Variants in DNAAF19 observed in about 807,000 individuals in gnomAD.
The protein encoded by DNAAF19 is dynein axonemal assembly factor 19.
At chr17:44,903,944 G>A in the DNAAF19 span, 9 of 1,550,598 alleles carry the variant, frequency 5.8e-6, no homozygotes, top group Non-Finnish European at 2.6e-6. Context: ...CCTGATGTTT[G>A]AAAATGCAGC....
chr17:44,905,263 G>A, the DNAAF19 span: 8 of 594,096 alleles, frequency 1.3e-5, no homozygotes, highest in Non-Finnish European at 2.4e-5. Context: ...GAGGCTGGTG[G>A]GAGATTGGGG....
chr17:44,902,267 G>A, the DNAAF19 span: 2 of 1,494,202 alleles, frequency 1.3e-6, no homozygotes, highest in Non-Finnish European at 9.3e-7. Context: ...GTAGTGAGAT[G>A]AAGACAGTAA....
chr17:44,901,186 T>C, the DNAAF19 span: 432,020 of 1,585,790 alleles, frequency 0.27, 59,142 homozygotes, highest in South Asian at 0.28. Context: ...TTATGGTGGA[T>C]TATAGTAGTT....
chr17:44,901,183 G>A, the DNAAF19 span: 1 of 1,590,626 alleles, frequency 6.3e-7, no homozygotes, highest in Non-Finnish European at 8.5e-7. Context: ...CTGTTATGGT[G>A]GATTATAGTA....
At chr17:44,902,566 C>T in the DNAAF19 span, 17 of 1,614,192 alleles carry the variant, frequency 1.1e-5, no homozygotes, top group East Asian at 4.5e-5. Flanking sequence ...GCCGGCTGAC[C>T]GGGCAGCGGT....
the DNAAF19 span, chr17:44,904,730 G>A: frequency 6.4e-7 from 1 of 1,550,554 alleles, no homozygotes; most frequent in Non-Finnish European, 8.7e-7. Flanking sequence ...AGTGGCCTGG[G>A]ACAAAGACCG....
chr17:44,904,231 C>T, the DNAAF19 span: 12 of 1,550,572 alleles, frequency 7.7e-6, no homozygotes, highest in Admixed American at 5.9e-5. Flanking sequence ...ACTACTTTTA[C>T]GCCTACGATG....
At chr17:44,901,193 AGTT>A in the DNAAF19 span, 1 of 1,576,382 alleles carries the variant, frequency 6.3e-7, no homozygotes, top group Non-Finnish European at 8.6e-7. Flanking sequence ...GGATTATAGT[AGTT>A]AACTCTGAAA....
the DNAAF19 span, chr17:44,904,863 G>T: frequency 3.2e-6 from 5 of 1,550,654 alleles, no homozygotes; most frequent in Non-Finnish European, 4.4e-6. Context: ...ATCTACTATT[G>T]CTGGAGGCAG....
the DNAAF19 span, chr17:44,903,994 CA>C: frequency 1.3e-6 from 2 of 1,550,644 alleles, no homozygotes; most frequent in Non-Finnish European, 1.7e-6. Context: ...CCTGTCACTG[CA>C]AACCCGAAGA....
the DNAAF19 span, chr17:44,903,239 C>A: frequency 8.0e-7 from 1 of 1,253,468 alleles, no homozygotes; most frequent in Non-Finnish European, 1.0e-6. Context: ...TAGCCCCAAA[C>A]CAATGAATGG....
the DNAAF19 span, chr17:44,901,121 G>A: frequency 6.2e-7 from 1 of 1,608,974 alleles, no homozygotes; most frequent in Non-Finnish European, 8.5e-7. Context: ...AACAGAGGGT[G>A]GCTTCCTATG....
At chr17:44,903,023 A>G in the DNAAF19 span, 1 of 1,414,728 alleles carries the variant, frequency 7.1e-7, no homozygotes, top group South Asian at 1.6e-5. Context: ...GTATCCATGG[A>G]CAGTCAAGAG....
At chr17:44,903,898 G>A in the DNAAF19 span, 1 of 1,550,634 alleles carries the variant, frequency 6.4e-7, no homozygotes, top group Non-Finnish European at 8.7e-7. Flanking sequence ...TTGTGGAGAA[G>A]GAAAACATTT....
chr17:44,902,761 C>T, the DNAAF19 span: 1 of 1,598,754 alleles, frequency 6.3e-7, no homozygotes, highest in Non-Finnish European at 8.5e-7. Flanking sequence ...GTCTGGTGGG[C>T]TCCAGGAGGA....
At chr17:44,904,940 G>A in the DNAAF19 span, 3 of 1,550,586 alleles carry the variant, frequency 1.9e-6, no homozygotes, top group South Asian at 3.6e-5. Flanking sequence ...CTCGTTCTCA[G>A]ATCCTGAGAC....
chr17:44,901,720 ATTTTG>A, the DNAAF19 span: 6,844 of 1,559,110 alleles, frequency 4.4e-3, 102 homozygotes, highest in African/African-American at 0.046. Flanking sequence ...CTGTTTTTTC[ATTTTG>A]TTTTGTTTTG....
chr17:44,905,156 TG>T, the DNAAF19 span: 1 of 1,060,984 alleles, frequency 9.4e-7, no homozygotes, highest in Admixed American at 2.6e-5. Context: ...TACCCTGGGT[TG>T]GGACAGGTGG....
At chr17:44,902,361 C>T in the DNAAF19 span, 129 of 1,614,068 alleles carry the variant, frequency 8.0e-5, no homozygotes, top group Admixed American at 1.2e-3. Flanking sequence ...CCTTTGTGGT[C>T]CAGGAGAAAG....
Sources: gnomAD v4.1 joint callset for allele counts on GRCh38, gnomAD v4.1.1 for gene constraint, MANE v1.5 for transcripts, NCBI Gene and HGNC (gene_info 2026-07-23, HGNC 2026-07-21) for gene names.